PCDH15: variants seen among roughly 807,000 people sequenced by gnomAD.
PCDH15 encodes protocadherin-15.
PCDH15 carries 129 observed loss-of-function variants against 178.5 expected under a neutral mutation model. That is an observed-to-expected ratio of 0.72 (90% confidence interval 0.63 to 0.84). PCDH15 has a LOEUF of 0.84. PCDH15 is among the 40% of genes least tolerant of loss of function. PCDH15 has a pLI of 0.00. For missense variants in PCDH15, 2,230 were observed against 2,099.9 expected (o/e 1.06, Z -1.21); for synonymous variants, 800 against 732.0 (o/e 1.09, Z -1.50).
intron 2 of PCDH15, among the ~76,000 whole-genome samples, chr10:54,590,494 CG>C (rs1479878367): frequency 6.6e-6 from 1 of 152,112 alleles, no homozygotes; most frequent in Admixed American, 6.6e-5. Context: ...TACACATATT[CG>C]GGACCAACAT....
chr10:54,943,391 G>C (rs1489444340), intron 2 of PCDH15, among the ~76,000 whole-genome samples: 1 of 151,878 alleles, frequency 6.6e-6, no homozygotes, highest in African/African-American at 2.4e-5. Context: ...AATAATCTAA[G>C]ATAAATTTGC....
chr10:55,109,906 C>G (rs1564805988), intron 2 of PCDH15, among the ~76,000 whole-genome samples: 1 of 151,636 alleles, frequency 6.6e-6, no homozygotes, highest in African/African-American at 2.4e-5. Flanking sequence ...TCCCCAAAAT[C>G]AAATAAGCAG....
chr10:54,607,803 T>C lies in PCDH15; in HGVS notation c.91+56369A>G, dbSNP rs2092807405. 5 of 511,934 alleles carry C rather than the reference T, an allele frequency of 9.8e-6. 1 individual carries two copies. Among genetic ancestry groups the C allele is most frequent in the South Asian group, 5.8e-5 (4 of 69,078 alleles). 31.7% of individuals were successfully genotyped at this position (511,934 alleles called of 1,614,324 possible). On this transcript the variant is annotated intron_variant, in intron 2 of 37. Coordinates refer to ENST00000644397, the MANE Select transcript of PCDH15 (RefSeq NM_001384140.1). ...CTACTACAAAGAATTTTTATAGATATATGAAGAATGATGGTAAGGAAGAGA... is the reference window on the plus strand; with the variant it reads ...CTACTACAAAGAATTTTTATAGATACATGAAGAATGATGGTAAGGAAGAGA...
chr10:54,242,543 C>T (rs922337548), intron 8 of PCDH15, among the ~76,000 whole-genome samples: 8 of 151,986 alleles, frequency 5.3e-5, no homozygotes, highest in Non-Finnish European at 1.0e-4. Context: ...CCAGTTCTTA[C>T]TTTTAAAATA....
chr10:54,565,334 A>T (rs1229614926), intron 2 of PCDH15, among the ~76,000 whole-genome samples: 1 of 152,220 alleles, frequency 6.6e-6, no homozygotes, highest in African/African-American at 2.4e-5. Flanking sequence ...CTATGGAGAC[A>T]AATATAAATT....
At chr10:54,844,311 G>A (rs1020748654) in intron 3 of PCDH15, among the ~76,000 whole-genome samples, 2 of 151,986 alleles carry the variant, frequency 1.3e-5, no homozygotes, top group African/African-American at 4.8e-5. Context: ...TTAAAATCAA[G>A]ATACAGTACA....
chr10:54,094,618 A>G (rs2094665415), intron 15 of PCDH15, among the ~76,000 whole-genome samples: 2 of 152,322 alleles, frequency 1.3e-5, no homozygotes, highest in Admixed American at 6.5e-5. Flanking sequence ...GACCACTTTA[A>G]TACCTCAGGT....
intron 1 of PCDH15, among the ~76,000 whole-genome samples, chr10:55,185,566 C>T (rs1591973914): frequency 6.6e-6 from 1 of 151,588 alleles, no homozygotes; most frequent in Non-Finnish European, 1.5e-5. Flanking sequence ...AGGAGTTGAG[C>T]AAGTTAAAAA....
chr10:55,298,257 A>C (rs574740095), intron 1 of PCDH15, among the ~76,000 whole-genome samples: 2 of 152,356 alleles, frequency 1.3e-5, no homozygotes, highest in East Asian at 3.9e-4. Flanking sequence ...CAAACAGAAA[A>C]ATAATGTAAA....
intron 2 of PCDH15, among the ~76,000 whole-genome samples, chr10:54,937,472 A>T (rs1244178132): frequency 1.3e-5 from 2 of 151,924 alleles, no homozygotes; most frequent in Non-Finnish European, 2.9e-5. Flanking sequence ...CCATTTATTT[A>T]TATTTTATTT....
intron 2 of PCDH15, among the ~76,000 whole-genome samples, chr10:54,539,661 C>T (rs1369274124): frequency 1.3e-5 from 2 of 152,120 alleles, no homozygotes; most frequent in Non-Finnish European, 2.9e-5. Flanking sequence ...CTCCATATAT[C>T]AACCACAGAA....
At chr10:55,341,799 ATATAT>A (rs1844594386) in intron 2 of PCDH15, among the ~76,000 whole-genome samples, 1 of 11,496 alleles carries the variant, frequency 8.7e-5, no homozygotes, top group African/African-American at 3.9e-4. Context: ...ATATATATAT[ATATAT>A]ATTTTTTTTT....
At chr10:54,356,529 A>T (rs1358761253) in intron 5 of PCDH15, among the ~76,000 whole-genome samples, 2 of 151,654 alleles carry the variant, frequency 1.3e-5, no homozygotes, top group Admixed American at 6.6e-5. Context: ...CATGGTATAT[A>T]TACACTTAAT....
At chr10:55,028,689 A>C (rs1274283741) in intron 2 of PCDH15, among the ~76,000 whole-genome samples, 1 of 152,030 alleles carries the variant, frequency 6.6e-6, no homozygotes, top group Non-Finnish European at 1.5e-5. Context: ...ATTCATGAAG[A>C]TGCAACCATA....
chr10:54,917,883 G>A (rs1456836877), intron 2 of PCDH15, among the ~76,000 whole-genome samples: 1 of 152,158 alleles, frequency 6.6e-6, no homozygotes, highest in African/African-American at 2.4e-5. Context: ...ACTCATATAT[G>A]TTGGTGGAGG....
At position 54,371,446 on chromosome 10, in the gene PCDH15, A is replaced by G. The variant is rs1589084169; in HGVS notation, c.319-2171T>C. ...GAAATTTGAACACTTTTGAGAATGTATAAAATGGGAGGATTTTAAATTTAA... is the reference window on the plus strand; with the variant it reads ...GAAATTTGAACACTTTTGAGAATGTGTAAAATGGGAGGATTTTAAATTTAA... On this transcript the variant is annotated intron_variant, in intron 4 of 37. Transcript: ENST00000644397. Among the ~76,000 whole-genome samples the G allele has an allele frequency of 2.0e-5, 3 of 151,880 alleles. No homozygotes were observed. The South Asian group carries it at 6.2e-4, about 31-fold the overall frequency.
intron 2 of PCDH15, among the ~76,000 whole-genome samples, chr10:55,360,935 A>C (rs776615767): frequency 2.0e-5 from 3 of 152,000 alleles, no homozygotes; most frequent in Non-Finnish European, 2.9e-5. Flanking sequence ...AAACAACCCA[A>C]ATACGTATTC....
rs996761083 is a variant in PCDH15 at position 54,849,080 on chromosome 10, C to T, written c.-29+48370G>A. 2.6e-5 allele frequency among the ~76,000 whole-genome samples: 4 copies of T among 152,022 alleles called. No individual in the cohort carries two copies. The East Asian group carries it at 5.8e-4, about 22-fold the overall frequency. Reference sequence around the variant, plus strand: ...GAATAATTTTGCTTTTGCTAAATTACGTGTTTCCCTTTCTTATTAATACAT... The same window carrying T: ...GAATAATTTTGCTTTTGCTAAATTATGTGTTTCCCTTTCTTATTAATACAT... On this transcript the variant is annotated intron_variant, in intron 3 of 5. Transcript: ENST00000458638.
intron 3 of PCDH15, among the ~76,000 whole-genome samples, chr10:54,430,630 T>G (rs2135991457): frequency 6.6e-6 from 1 of 151,982 alleles, no homozygotes; most frequent in South Asian, 2.1e-4. Flanking sequence ...TGAGAGAAAT[T>G]TATAGCAATA....
Sources: gnomAD v4.1 joint callset for allele counts (sites outside exome capture counted in the v4.1 genomes callset) on GRCh38, gnomAD v4.1.1 for gene constraint, MANE v1.5 for transcripts, NCBI Gene and HGNC (gene_info 2026-07-23, HGNC 2026-07-21) for gene names.